Variants in ARSB observed in about 807,000 individuals in gnomAD.
ARSB encodes the protein N-acetylgalactosamine-4-sulfatase.
Under a neutral mutation model 50.9 loss-of-function variants are expected in ARSB, and 41 were observed. The observed-to-expected ratio is 0.81, with a 90% confidence interval of 0.63 to 1.04. The LOEUF (loss-of-function observed/expected upper bound fraction) is 1.04. ARSB is among the 50% of genes least tolerant of loss of function. The pLI is 0.00. For missense variants in ARSB, 672 were observed against 693.3 expected (o/e 0.97, Z 0.35); for synonymous variants, 269 against 284.8 (o/e 0.94, Z 0.56).
rs955362529 is a variant in ARSB, at chr5:78,777,646, A to G, written c.*2751T>C. ...AGTGGGTGGATCACTTGAGGTCAGG[A>G]GTTTGAGACCAGCCTGGCCAACATG... is the stretch of plus-strand genomic sequence containing the variant. On this transcript the variant is annotated 3_prime_UTR_variant, in exon 8 of 8. Transcript: ENST00000264914. The G allele has an allele frequency of 6.6e-6, 1 of 152,502 alleles. No individual in the cohort carries two copies. The highest frequency in any genetic ancestry group is 2.4e-5 in the African/African-American group (1 of 41,400). The allele number at this position is 152,502 out of a possible 1,614,324, so 9.4% of individuals were successfully genotyped here.
intron 4 of ARSB, among the ~76,000 whole-genome samples, chr5:78,940,126 GTTGT>G (rs1456096316): frequency 1.3e-5 from 2 of 152,118 alleles, no homozygotes; most frequent in Non-Finnish European, 2.9e-5. Flanking sequence ...TTTTGATGGG[GTTGT>G]TTGTTTTTTC....
intron 5 of ARSB, among the ~76,000 whole-genome samples, chr5:78,843,344 G>T (rs917621226): frequency 6.6e-6 from 1 of 152,142 alleles, no homozygotes; most frequent in East Asian, 1.9e-4. Context: ...TTCCACATGG[G>T]ATCTCAACTC....
At chr5:78,817,896 A>C (rs1744061918) in intron 6 of ARSB, among the ~76,000 whole-genome samples, 1 of 152,222 alleles carries the variant, frequency 6.6e-6, no homozygotes, top group Non-Finnish European at 1.5e-5. Flanking sequence ...CTGTAATCCC[A>C]ACACTTTGGG....
intron 4 of ARSB, among the ~76,000 whole-genome samples, chr5:78,927,567 T>C (rs577928731): frequency 7.9e-5 from 12 of 152,292 alleles, no homozygotes; most frequent in African/African-American, 2.9e-4. Flanking sequence ...CTTAGGTCAA[T>C]CCAACACACA....
intron 4 of ARSB, among the ~76,000 whole-genome samples, chr5:78,908,182 G>A (rs758041901): frequency 2.6e-5 from 4 of 152,146 alleles, no homozygotes; most frequent in Middle Eastern, 3.2e-3. Flanking sequence ...CGTATAAATG[G>A]TCAGGCCAGT....
chr5:78,985,420 C>G (rs1484581392), upstream of ARSB: 8 of 541,314 alleles, frequency 1.5e-5, no homozygotes, highest in South Asian at 3.8e-4. Flanking sequence ...CGACCCGGGC[C>G]CCCGGCTGCT....
intron 6 of ARSB, among the ~76,000 whole-genome samples, chr5:78,793,907 G>T: frequency 6.6e-6 from 1 of 151,684 alleles, no homozygotes; most frequent in African/African-American, 2.4e-5. Context: ...TTTTTTTGAG[G>T]CGATGAGGCA....
At chr5:78,799,146 T>C (rs141853802) in intron 6 of ARSB, among the ~76,000 whole-genome samples, 1 of 152,350 alleles carries the variant, frequency 6.6e-6, no homozygotes, top group Non-Finnish European at 1.5e-5. Flanking sequence ...GACGGTTTCT[T>C]AGCTCTGCAA....
intron 3 of ARSB, among the ~76,000 whole-genome samples, chr5:78,963,613 C>T (rs1752088969): frequency 6.6e-6 from 1 of 152,078 alleles, no homozygotes; most frequent in Admixed American, 6.5e-5. Flanking sequence ...GAGAACTTAG[C>T]TTAAACTTTA....
intron 6 of ARSB, among the ~76,000 whole-genome samples, chr5:78,792,659 G>T (rs780832032): frequency 3.6e-4 from 55 of 152,118 alleles, no homozygotes; most frequent in African/African-American, 1.3e-3. Flanking sequence ...GATTCTACAC[G>T]TAGTGAGCAT....
chr5:78,965,583 A>G (rs1191098024), intron 2 of ARSB, among the ~76,000 whole-genome samples: 1 of 152,192 alleles, frequency 6.6e-6, no homozygotes, highest in Non-Finnish European at 1.5e-5. Flanking sequence ...TTTATTAAAA[A>G]TCATTGAATT....
chr5:78,981,629 C>T (rs1752908922), intron 1 of ARSB, among the ~76,000 whole-genome samples: 1 of 152,220 alleles, frequency 6.6e-6, no homozygotes, highest in Non-Finnish European at 1.5e-5. Context: ...TAGAGTTCAG[C>T]CCAACTCCTC....
chr5:78,964,837 C>T (rs748480402), intron 2 of ARSB, among the ~76,000 whole-genome samples: 2 of 149,582 alleles, frequency 1.3e-5, no homozygotes, highest in African/African-American at 2.5e-5. Context: ...AATATAGGCG[C>T]TATCATGTAA....
intron 3 of ARSB, among the ~76,000 whole-genome samples, chr5:78,961,647 C>T (rs551521403): frequency 2.0e-5 from 3 of 152,162 alleles, no homozygotes; most frequent in South Asian, 2.1e-4. Context: ...GTTATGGAAC[C>T]CTGTGAGGGA....
At chr5:78,969,291 T>C in intron 1 of ARSB, 99 bp from the exon 2 acceptor site, 2 of 1,314,100 alleles carry the variant, frequency 1.5e-6, no homozygotes, top group Admixed American at 1.7e-5. Flanking sequence ...ATCTGTTGAC[T>C]TGGATGTTTA....
intron 6 of ARSB, among the ~76,000 whole-genome samples, chr5:78,787,205 C>T (rs1465170745): frequency 6.6e-6 from 1 of 152,106 alleles, no homozygotes; most frequent in East Asian, 1.9e-4. Flanking sequence ...ATCCAGCCTC[C>T]CAAAGTGCTG....
At chr5:78,842,708 T>C (rs1745278540) in intron 5 of ARSB, among the ~76,000 whole-genome samples, 1 of 152,054 alleles carries the variant, frequency 6.6e-6, no homozygotes, top group African/African-American at 2.4e-5. Flanking sequence ...ACATGAAAGA[T>C]CCCTCTCTTG....
chr5:78,917,144 G>A (rs1276061009), intron 4 of ARSB, among the ~76,000 whole-genome samples: 1 of 152,190 alleles, frequency 6.6e-6, no homozygotes, highest in Non-Finnish European at 1.5e-5. Flanking sequence ...AGGTCAGGAT[G>A]AAGAGAGCTC....
At chr5:78,937,279 T>C (rs919689906) in intron 4 of ARSB, among the ~76,000 whole-genome samples, 17 of 138,214 alleles carry the variant, frequency 1.2e-4, no homozygotes, top group African/African-American at 3.4e-4. Context: ...TACATATATA[T>C]GTAAGATATA....
Sources: allele counts gnomAD v4.1 joint callset (sites outside exome capture counted in the v4.1 genomes callset), GRCh38; gene constraint gnomAD v4.1.1; transcripts MANE v1.5; gene names NCBI Gene and HGNC (gene_info 2026-07-23, HGNC 2026-07-21).